XPO7: variants seen among roughly 807,000 people sequenced by gnomAD.
The protein encoded by XPO7 is exportin 7, also known as exportin-7.
Under a neutral mutation model 144.3 loss-of-function variants are expected in XPO7, and 21 were observed. The ratio of observed to expected loss-of-function variants is 0.15; its 90% confidence interval spans 0.10 to 0.21. XPO7 has a LOEUF of 0.21. XPO7 is among the 10% of genes least tolerant of loss of function. XPO7 has a pLI of 1.00. For missense variants in XPO7, 808 were observed against 1,325.8 expected (o/e 0.61, Z 6.06); for synonymous variants, 580 against 499.6 (o/e 1.16, Z -2.15).
intron 5 of XPO7, 23 bp from the exon 6 acceptor site, chr8:21,974,647 T>A: frequency 6.6e-7 from 1 of 1,519,392 alleles, no homozygotes. Flanking sequence ...TTCTTTGCAT[T>A]GGTTTCTTCT....
At chr8:21,933,779 CTG>C (rs1254686586) in intron 1 of XPO7, among the ~76,000 whole-genome samples, 2 of 152,108 alleles carry the variant, frequency 1.3e-5, no homozygotes, top group Admixed American at 6.5e-5. Context: ...AGAATAGTAA[CTG>C]TTATCAGGTT....
intron 12 of XPO7, 34 bp downstream of exon 12, chr8:21,984,873 G>A (rs759943770): frequency 8.7e-6 from 14 of 1,606,176 alleles, no homozygotes; most frequent in Admixed American, 1.7e-5. Context: ...CTCTAGACCT[G>A]TGAGGAGATG....
chr8:21,927,674 T>C (rs1585413701), intron 1 of XPO7, among the ~76,000 whole-genome samples: 2 of 151,762 alleles, frequency 1.3e-5, no homozygotes, highest in East Asian at 3.9e-4. Context: ...GCCTCCCAAG[T>C]AGCTGGGATT....
chr8:21,978,220 A>G (rs1182440011), intron 8 of XPO7, among the ~76,000 whole-genome samples: 1 of 152,226 alleles, frequency 6.6e-6, no homozygotes. Context: ...TTAGATTGTC[A>G]TAAATGGAAA....
intron 1 of XPO7, among the ~76,000 whole-genome samples, chr8:21,937,186 G>A (rs1810848323): frequency 6.6e-6 from 1 of 152,142 alleles, no homozygotes; most frequent in Non-Finnish European, 1.5e-5. Flanking sequence ...ATAATCAATG[G>A]TAGATATGAC....
Position 22,003,227 on chromosome 8 carries a change from C to G in XPO7, c.2952C>G (p.Ser984=). The G allele has an allele frequency of 6.2e-7, 1 of 1,611,268 alleles. No homozygotes were observed. Among genetic ancestry groups the G allele is most frequent in the Non-Finnish European group, 8.5e-7 (1 of 1,178,868 alleles). ...CTCCATTCCATTTTCAGATGCTGTC[C>G]ACGGTGCTGAACATCATCATCTTTG... The part of the protein sequence containing the change: ...QHPEMIQQML[S]TVLNIIIFED... Residue 984 remains serine, a synonymous_variant, in exon 26 of 28, where the codon TCC becomes TCG. Transcript: ENST00000252512.
At chr8:22,000,851 GTGA>G (rs771206776) in intron 24 of XPO7, among the ~76,000 whole-genome samples, 218 of 152,294 alleles carry the variant, frequency 1.4e-3, no homozygotes, top group South Asian at 5.0e-3. Flanking sequence ...CTGCCAAATA[GTGA>G]TGATATGTTG....
chr8:21,938,727 G>A (rs948982196), intron 1 of XPO7, among the ~76,000 whole-genome samples: 7 of 151,520 alleles, frequency 4.6e-5, no homozygotes, highest in Non-Finnish European at 5.9e-5. Context: ...AGATGATTCC[G>A]AATACCCTTA....
At chr8:21,960,301 T>C (rs1030301026) in intron 1 of XPO7, among the ~76,000 whole-genome samples, 1 of 152,246 alleles carries the variant, frequency 6.6e-6, no homozygotes, top group Non-Finnish European at 1.5e-5. Context: ...GGGCGTCAGA[T>C]TGAAACCTCT....
chr8:21,960,816 A>G (rs1811703588), intron 1 of XPO7, among the ~76,000 whole-genome samples: 1 of 152,238 alleles, frequency 6.6e-6, no homozygotes, highest in South Asian at 2.1e-4. Flanking sequence ...TTGTAAAACT[A>G]AAGCATTCTG....
chr8:21,991,346 A>C (rs1323771426), intron 18 of XPO7, among the ~76,000 whole-genome samples: 7 of 152,214 alleles, frequency 4.6e-5, no homozygotes. Context: ...AGTAGTGGTG[A>C]TATTAGCAGT....
intron 14 of XPO7, 78 bp downstream of exon 14, chr8:21,987,354 A>G (rs771244090): frequency 4.4e-6 from 7 of 1,577,020 alleles, no homozygotes; most frequent in East Asian, 2.2e-5. Flanking sequence ...ACAGTTGCTG[A>G]TAGTTCACAT....
intron 4 of XPO7, among the ~76,000 whole-genome samples, chr8:21,971,191 G>A (rs1306123356): frequency 1.3e-5 from 2 of 152,204 alleles, no homozygotes; most frequent in African/African-American, 4.8e-5. Flanking sequence ...TAGGTGTGTA[G>A]TAGACTGTAC....
intron 1 of XPO7, among the ~76,000 whole-genome samples, chr8:21,951,294 C>T (rs989537835): frequency 6.6e-6 from 1 of 151,416 alleles, no homozygotes; most frequent in African/African-American, 2.4e-5. Flanking sequence ...TGAGGCCTAC[C>T]TTAATTACCC....
chr8:21,930,656 A>T (rs1354910190), intron 1 of XPO7, among the ~76,000 whole-genome samples: 1 of 152,222 alleles, frequency 6.6e-6, no homozygotes, highest in Non-Finnish European at 1.5e-5. Flanking sequence ...TGGTAGGAAG[A>T]GACCAGGACA....
chr8:21,964,725 C>A (rs1321840353), intron 1 of XPO7, among the ~76,000 whole-genome samples: 1 of 152,190 alleles, frequency 6.6e-6, no homozygotes, highest in Non-Finnish European at 1.5e-5. Context: ...CAGACTTACC[C>A]TGCAGTATGT....
rs376295446 is a variant in XPO7 at position 21,981,737 on chromosome 8, T to C, written c.964T>C (p.Ser322Pro). 3.7e-6 allele frequency: 6 copies of C among 1,613,928 alleles called. No individual in the cohort carries two copies. Among genetic ancestry groups the C allele is most frequent in the Non-Finnish European group, 5.1e-6 (6 of 1,179,824 alleles). Residue 322 changes from serine to proline, a missense_variant, in exon 10 of 28, where the codon TCA becomes CCA. By Grantham distance (74) the Ser-to-Pro change is moderately conservative. Around this residue, in one of 5 missense-constraint regions of XPO7, gnomAD observed 223 missense variants for 368.8 expected, o/e 0.60. Transcript: ENST00000252512. ...KRILENPQSLSDPNNYHEFCR... is the reference protein window; with the variant it reads ...KRILENPQSLPDPNNYHEFCR... ...TCTCCTCTGCTACTGCCAGAGTTTA[T>C]CAGACCCAAACAATTACCATGAGTT...
chr8:21,985,874 C>G (rs902470298), intron 13 of XPO7, among the ~76,000 whole-genome samples, 183 bp downstream of exon 13: 70 of 152,248 alleles, frequency 4.6e-4, no homozygotes, highest in African/African-American at 1.6e-3. Context: ...AATAAAAAAC[C>G]AGCAATAATT....
chr8:22,002,329 C>T, intron 25 of XPO7, 57 bp downstream of exon 25: 1 of 1,572,120 alleles, frequency 6.4e-7, no homozygotes, highest in Non-Finnish European at 8.6e-7. Flanking sequence ...GGAAGGACCT[C>T]TGCAAGACAG....
Sources: gnomAD v4.1 joint callset for allele counts (sites outside exome capture counted in the v4.1 genomes callset) on GRCh38, gnomAD v4.1.1 for gene constraint, gnomAD v4.1.1 regional missense constraint, MANE v1.5 for transcripts, NCBI Gene and HGNC (gene_info 2026-07-23, HGNC 2026-07-21) for gene names.